The following PAX6 variants were observed in gnomAD, a reference collection of about 807,000 sequenced individuals.
PAX6 encodes paired box 6, also known as paired box protein Pax-6.
In PAX6, 7 loss-of-function variants were observed where a neutral mutation model predicts 60.7. The ratio of observed to expected loss-of-function variants is 0.12; its 90% CI spans 0.07 to 0.22. The LOEUF is 0.22. PAX6 is among the 10% of genes least tolerant of loss of function. The probability of loss-of-function intolerance (pLI) is 1.00; values close to 1 mark genes in which losing one functional copy is unlikely to be tolerated. For missense variants in PAX6, 355 were observed against 555.2 expected (o/e 0.64, Z 3.62); for synonymous variants, 208 against 201.2 (o/e 1.03, Z -0.29).
intron 4 of PAX6, chr11:31,803,541 C>G (rs1322828734): frequency 6.6e-6 from 1 of 152,656 alleles, no homozygotes; most frequent in African/African-American, 2.4e-5. Flanking sequence ...ACAACCAGAG[C>G]AGCCAGTATG....
intron 13 of PAX6, 91 bp from the exon 14 acceptor site, chr11:31,790,110 A>AAC: frequency 2.5e-6 from 2 of 799,180 alleles, no homozygotes; most frequent in African/African-American, 1.8e-5. Context: ...AAAAAAAAAA[A>AAC]AAAAAAAAAA....
intron 7 of PAX6, 70 bp downstream of exon 7, chr11:31,801,491 G>A (rs1004722763): frequency 6.2e-7 from 1 of 1,610,760 alleles, no homozygotes; most frequent in African/African-American, 1.3e-5. Context: ...GAGAGAGAGG[G>A]TGGGAGGAGG....
At chr11:31,794,867 A>G in intron 8 of PAX6, 79 bp from the exon 9 acceptor site, 1 of 1,334,410 alleles carries the variant, frequency 7.5e-7, no homozygotes, top group Non-Finnish European at 1.1e-6. Flanking sequence ...GTAGTCTTAA[A>G]CTCCAAGAGC....
At chr11:31,802,582 G>T in intron 5 of PAX6, 122 bp downstream of exon 5, 4 of 1,030,394 alleles carry the variant, frequency 3.9e-6, no homozygotes, top group Admixed American at 2.5e-5. Context: ...GGGGACTGGG[G>T]ACTGGGGTGG....
intron 9 of PAX6, 79 bp from the exon 10 acceptor site, chr11:31,794,193 C>T (rs750048584): frequency 4.8e-5 from 43 of 896,068 alleles, no homozygotes; most frequent in Non-Finnish European, 7.6e-5. Flanking sequence ...CAAACTGGTT[C>T]CCACCTCCCC....
At chr11:31,800,911 A>T in intron 7 of PAX6, 55 bp from the exon 8 acceptor site, 1 of 1,571,834 alleles carries the variant, frequency 6.4e-7, no homozygotes, top group Non-Finnish European at 8.7e-7. Flanking sequence ...AGACACAGTC[A>T]CCCATCTCAG....
chr11:31,806,627 A>T, intron 3 of PAX6, 165 bp from the exon 4 acceptor site: 1 of 604,672 alleles, frequency 1.7e-6, no homozygotes, highest in South Asian at 2.0e-5. Context: ...TCTGCCCTGC[A>T]GTGCATACAA....
intron 8 of PAX6, among the ~76,000 whole-genome samples, chr11:31,795,421 G>A (rs537266733): frequency 6.6e-6 from 1 of 152,348 alleles, no homozygotes; most frequent in South Asian, 2.1e-4. Context: ...GAGCACAGCT[G>A]TAATTATATC....
In PAX6 at chr11:31,789,876, A is replaced by T. The variant is rs775315951; in HGVS notation, c.*58T>A. 1.7e-5 allele frequency: 24 copies of T among 1,452,394 alleles called. 1 individual carries two copies. In the South Asian group the frequency reaches 2.7e-4, roughly 17 times the overall value. 90.0% of individuals were successfully genotyped at this position (1,452,394 alleles called of 1,614,324 possible). Reference sequence around the variant, plus strand: ...CTGAAAGCTCAACTGTTGTGTCCCCATAGTCACTGACTGAATTAACACAAT... The same window carrying T: ...CTGAAAGCTCAACTGTTGTGTCCCCTTAGTCACTGACTGAATTAACACAAT... On this transcript the variant is annotated 3_prime_UTR_variant, in exon 14 of 14. Coordinates refer to ENST00000640368, the MANE Select transcript of PAX6 (RefSeq NM_001368894.2).
chr11:31,801,843 A>C, intron 6 of PAX6, 28 bp downstream of exon 6: 11 of 1,614,132 alleles, frequency 6.8e-6, no homozygotes, highest in African/African-American at 1.3e-5. Flanking sequence ...AAATTGTTTA[A>C]GTATGCATTA....
At chr11:31,814,631 G>A (rs1370179043), upstream of PAX6, 1 of 152,304 alleles carries the variant, frequency 6.6e-6, no homozygotes, top group East Asian at 1.9e-4. Context: ...CAGACCCTGG[G>A]AAGGTGGGAT....
intron 8 of PAX6, 178 bp downstream of exon 8, chr11:31,800,513 T>C: frequency 1.2e-6 from 1 of 819,406 alleles, no homozygotes; most frequent in Non-Finnish European, 2.1e-6. Flanking sequence ...GCCAACAAAA[T>C]GGTTCAACAA....
In PAX6 at chr11:31,801,768, G is replaced by A. The variant is rs727504064; in HGVS notation, c.192C>T (p.Asn64=). 4 of 1,614,062 alleles carry A rather than the reference G, an allele frequency of 2.5e-6. No homozygotes were observed. Among genetic ancestry groups the A allele is most frequent in the African/African-American group, 1.3e-5 (1 of 74,984 alleles). The stretch of plus-strand genomic sequence containing the variant: ...TGCCCAGAATTTTACTCACACATCC[G>A]TTGGACACCTGCATAGGGGAAGTGG... ...VQVLDNQNVS[N]GCVSKILGRY... Residue 64 remains asparagine (N), a synonymous_variant, in exon 7 of 14, where the codon AAC becomes AAT. Coordinates refer to ENST00000640368, the MANE Select transcript of PAX6 (RefSeq NM_001368894.2).
rs372143889 is a variant in PAX6 at position 31,800,739 on chromosome 11, G to A, written c.517C>T (p.Arg173Cys). The A allele has an allele frequency of 8.1e-6, 13 of 1,614,222 alleles. No homozygotes were observed. Among genetic ancestry groups the A allele is most frequent in the Non-Finnish European group, 1.1e-5 (13 of 1,180,038 alleles). ...GAAGTCCCCGGATACCAACCAGGGC[G>A]GGTGCCCCAGCTTCCGGTCTGCCCG... ...LNGQTGSWGT[R>C]PGWYPGTSVP... The change falls in exon 8 of 14, where the codon CGC (arginine) becomes TGC (cysteine). Residue 173 changes from arginine to cysteine, a missense_variant. Coordinates refer to ENST00000640368, the MANE Select transcript of PAX6 (RefSeq NM_001368894.2).
At chr11:31,799,202 G>T (rs1952712617) in intron 8 of PAX6, among the ~76,000 whole-genome samples, 1 of 152,200 alleles carries the variant, frequency 6.6e-6, no homozygotes, top group Non-Finnish European at 1.5e-5. Flanking sequence ...GCCTACACTC[G>T]GTGGGGTCAA....
At chr11:31,791,407 A>C (rs1949925107) in intron 12 of PAX6, 1 of 177,694 alleles carries the variant, frequency 5.6e-6, no homozygotes, top group Non-Finnish European at 1.2e-5. Context: ...AGTGATCAGA[A>C]GTGTTAGTAA....
At chr11:31,800,573 G>T in intron 8 of PAX6, 118 bp downstream of exon 8, 1 of 1,238,852 alleles carries the variant, frequency 8.1e-7, no homozygotes, top group South Asian at 1.2e-5. Flanking sequence ...TTCAAATGCA[G>T]TCTCACCCAT....
At chr11:31,798,816 G>A (rs1217850155) in intron 8 of PAX6, among the ~76,000 whole-genome samples, 1 of 152,212 alleles carries the variant, frequency 6.6e-6, no homozygotes, top group Non-Finnish European at 1.5e-5. Context: ...CAGACTGCCG[G>A]CGACGAAAAT....
At chr11:31,791,455 C>T (rs568608441) in intron 12 of PAX6, 2 of 165,812 alleles carry the variant, frequency 1.2e-5, no homozygotes, top group East Asian at 1.7e-4. Context: ...ACCATGACTT[C>T]CTAACAGACC....
Sources: allele counts gnomAD v4.1 joint callset (sites outside exome capture counted in the v4.1 genomes callset), GRCh38; gene constraint gnomAD v4.1.1; transcripts MANE v1.5; gene names NCBI Gene and HGNC (gene_info 2026-07-23, HGNC 2026-07-21).